The following NTRK3 variants were observed in gnomAD, a reference collection of about 807,000 sequenced individuals.
The protein encoded by NTRK3 is NT-3 growth factor receptor.
A neutral mutation model predicts 91.7 loss-of-function variants in NTRK3; 24 were observed. The observed-to-expected ratio is 0.26, with a 90% confidence interval of 0.19 to 0.37. NTRK3 has a LOEUF of 0.37. Ranked by LOEUF, NTRK3 falls within the 10% of genes least tolerant of loss-of-function variation. NTRK3 has a pLI of 1.00. For synonymous variants in NTRK3, 483 were observed against 404.0 expected (o/e 1.20, Z -2.34); for missense variants, 880 against 1,068.9 (o/e 0.82, Z 2.46).
intron 13 of NTRK3, among the ~76,000 whole-genome samples, chr15:88,111,336 G>C (rs894253364): frequency 6.6e-6 from 1 of 152,218 alleles, no homozygotes. Context: ...TCCTTGGAGA[G>C]AGAGAAAGAC....
chr15:88,220,994 C>T (rs2050187117), intron 3 of NTRK3, among the ~76,000 whole-genome samples: 1 of 152,222 alleles, frequency 6.6e-6, no homozygotes, highest in Non-Finnish European at 1.5e-5. Context: ...GGGCTCAGTT[C>T]TCTGCATTTT....
Position 88,255,697 on chromosome 15 carries a change from T to C in NTRK3, c.248+209A>G, listed in dbSNP as rs2053972412. On this transcript the variant is annotated intron_variant, in intron 3 of 18. Coordinates refer to ENST00000394480, the Ensembl canonical transcript of NTRK3. This position sits in a 1 kb window ranked among gnomAD's most constrained non-coding sequence, Gnocchi z 4.3. The stretch of plus-strand genomic sequence containing the variant: ...CTCCGGGGAGAGGCACACACACGCA[T>C]AGCCGGATCGCGCCTCGCCAGGGCC... Among the ~76,000 whole-genome samples the C allele has an allele frequency of 6.6e-6, 1 of 152,024 alleles. No individual in the cohort carries two copies. The highest frequency in any genetic ancestry group is 1.5e-5 in the Non-Finnish European group (1 of 67,982).
intron 17 of NTRK3, among the ~76,000 whole-genome samples, chr15:87,925,024 T>C (rs2068174517): frequency 6.6e-6 from 1 of 152,170 alleles, no homozygotes; most frequent in African/African-American, 2.4e-5. Context: ...ACTTTAATAC[T>C]AGATTTGACT....
At chr15:87,862,644 C>T (rs2064558386) in exon 19 of NTRK3, 1 of 228,586 alleles carries the variant, frequency 4.4e-6, no homozygotes. Context: ...TGTCATTGTG[C>T]TATATAAAAA....
intron 13 of NTRK3, among the ~76,000 whole-genome samples, chr15:88,091,754 G>C (rs1207246892): frequency 6.6e-6 from 1 of 152,186 alleles, no homozygotes; most frequent in African/African-American, 2.4e-5. Flanking sequence ...TTGTCGACCT[G>C]AGGGAAGCGG....
chr15:88,237,496 T>C lies in NTRK3; in HGVS notation c.248+18410A>G, dbSNP rs898506058. Among the ~76,000 whole-genome samples the C allele has an allele frequency of 2.0e-5, 3 of 152,218 alleles. No homozygotes were observed. Among genetic ancestry groups the C allele is most frequent in the African/African-American group, 7.2e-5 (3 of 41,450 alleles). On this transcript the variant is annotated intron_variant, in intron 3 of 18. Transcript: ENST00000394480. The surrounding 1 kb of genome is among the most constrained non-coding windows in gnomAD (Gnocchi z 4.0). ...CAAGTGTGGTGCTCACTGGTAGCTG[T>C]TGAAATAATTAGTTAATTAATTCAT...
chr15:87,979,480 GA>G (rs529794319), intron 14 of NTRK3: 87 of 1,481,832 alleles, frequency 5.9e-5, no homozygotes, highest in South Asian at 8.5e-5. Flanking sequence ...AAAACAAAAA[GA>G]AAAAAAAACA....
intron 14 of NTRK3, among the ~76,000 whole-genome samples, chr15:87,945,363 T>C (rs2070356259): frequency 6.6e-6 from 1 of 152,188 alleles, no homozygotes. Flanking sequence ...TTTCTGTGTT[T>C]TAGTGGCTGC....
In NTRK3 at chr15:88,118,655, ACT is replaced by A. The variant is rs1280164159; in HGVS notation, c.1396+7614_1396+7615del. On this transcript the variant is annotated intron_variant, in intron 13 of 18. Transcript: ENST00000394480. The stretch of plus-strand genomic sequence containing the variant: ...TTAGCTTTTAAAATCTCATTTACTA[ACT>A]CATCTTCTGTTATAGTTTCCTAAGG... Among the ~76,000 whole-genome samples, 15 of 152,248 alleles carry A rather than the reference ACT, an allele frequency of 9.9e-5. No homozygotes were observed. In the South Asian group the frequency reaches 1.2e-3, roughly 13 times the overall value.
At chr15:87,943,755 T>C (rs928028563) in intron 14 of NTRK3, among the ~76,000 whole-genome samples, 2 of 151,264 alleles carry the variant, frequency 1.3e-5, no homozygotes, top group Non-Finnish European at 2.9e-5. Context: ...ATCCAGGGAG[T>C]GGTTTCTCAG....
At chr15:88,159,976 A>G (rs1310910492) in intron 5 of NTRK3, among the ~76,000 whole-genome samples, 1 of 150,450 alleles carries the variant, frequency 6.6e-6, no homozygotes, top group African/African-American at 2.4e-5. Context: ...ACACACACAC[A>G]CACACACACA....
intron 3 of NTRK3, among the ~76,000 whole-genome samples, chr15:88,220,099 C>A (rs543974440): frequency 6.6e-6 from 1 of 152,164 alleles, no homozygotes; most frequent in African/African-American, 2.4e-5. Context: ...GCATAATCAG[C>A]AGACTAAAAT....
At chr15:87,956,292 T>C (rs1350690166) in intron 14 of NTRK3, among the ~76,000 whole-genome samples, 1 of 152,192 alleles carries the variant, frequency 6.6e-6, no homozygotes, top group African/African-American at 2.4e-5. Context: ...GTTGTTGTTG[T>C]TTGAGACAGA....
At chr15:88,187,933 C>CA (rs374017458) in intron 3 of NTRK3, among the ~76,000 whole-genome samples, 209 of 114,524 alleles carry the variant, frequency 1.8e-3, no homozygotes, top group Middle Eastern at 4.6e-3. Context: ...GACACTGTCT[C>CA]AAAAAAAAAA....
chr15:87,995,319 A>C (rs561468684), intron 14 of NTRK3, among the ~76,000 whole-genome samples: 1 of 152,302 alleles, frequency 6.6e-6, no homozygotes, highest in South Asian at 2.1e-4. Context: ...CAAGGAATAA[A>C]AGCAGTACAG....
At chr15:88,197,027 A>G (rs1484530531) in intron 3 of NTRK3, among the ~76,000 whole-genome samples, 3 of 146,986 alleles carry the variant, frequency 2.0e-5, no homozygotes, top group East Asian at 2.1e-4. Context: ...CTTATGTACA[A>G]TACTAGTGGG....
At chr15:88,009,148 C>T (rs2076695819) in intron 14 of NTRK3, among the ~76,000 whole-genome samples, 1 of 152,190 alleles carries the variant, frequency 6.6e-6, no homozygotes. Flanking sequence ...ACCTCAGTGA[C>T]ATATCAGGGA....
intron 14 of NTRK3, among the ~76,000 whole-genome samples, chr15:87,950,049 G>A (rs1226832512): frequency 1.3e-5 from 2 of 152,152 alleles, no homozygotes; most frequent in African/African-American, 2.4e-5. Context: ...CTACTACCCA[G>A]GAATGCTGCC....
At chr15:88,189,754 T>A (rs2151663823) in intron 3 of NTRK3, among the ~76,000 whole-genome samples, 1 of 152,292 alleles carries the variant, frequency 6.6e-6, no homozygotes, top group Admixed American at 6.5e-5. Flanking sequence ...AGATGGTACT[T>A]TTGTACCCCA....
Sources: gnomAD v4.1 joint callset for allele counts (sites outside exome capture counted in the v4.1 genomes callset) on GRCh38, gnomAD v4.1.1 for gene constraint, Gnocchi (gnomAD v3.1) non-coding constraint, MANE v1.5 for transcripts, NCBI Gene and HGNC (gene_info 2026-07-23, HGNC 2026-07-21) for gene names.